The following DDAH2 variants were observed in gnomAD, a reference collection of about 807,000 sequenced individuals.
DDAH2 encodes the protein putative hydrolase DDAH2.
Under a neutral mutation model 24.8 loss-of-function variants are expected in DDAH2, and 8 were observed. The observed-to-expected ratio is 0.32, with a 90% CI of 0.19 to 0.58. DDAH2 has a LOEUF of 0.58. DDAH2 is among the 20% of genes least tolerant of loss of function. DDAH2 has a pLI of 0.87. For synonymous variants in DDAH2, 151 were observed against 166.1 expected (o/e 0.91, Z 0.70); for missense variants, 281 against 379.0 (o/e 0.74, Z 2.15).
Position 31,729,230 on chromosome 6 carries a change from G to A in DDAH2, c.-69C>T. The A allele has an allele frequency of 7.7e-7, 1 of 1,290,902 alleles. No homozygotes were observed. Among genetic ancestry groups the A allele is most frequent in the South Asian group, 1.4e-5 (1 of 72,396 alleles). 80.0% of individuals were successfully genotyped at this position (1,290,902 alleles called of 1,614,324 possible). On this transcript the variant is annotated 5_prime_UTR_variant, in exon 1 of 6. Coordinates refer to ENST00000375789, the MANE Select transcript of DDAH2 (RefSeq NM_001303007.2). This position sits in a 1 kb window ranked among gnomAD's most constrained non-coding sequence, Gnocchi z 6.7. ...TTTTCTTGTTTCTTCACCTGTCTGG[G>A]AGAAGAAACAGAAAAGGAGGAGACA...
At position 31,729,131 on chromosome 6, in the gene DDAH2, A is replaced by T. The variant is rs1275209901; in HGVS notation, c.31T>A (p.Cys11Ser). 1.2e-5 allele frequency: 19 copies of T among 1,611,734 alleles called. No homozygotes were observed. Among genetic ancestry groups the T allele is most frequent in the Non-Finnish European group, 1.4e-5 (17 of 1,179,236 alleles). The change falls in exon 1 of 6, where the codon TGC becomes AGC. Residue 11 changes from cysteine to serine, a missense_variant. Transcript: ENST00000375789. This position sits in a 1 kb window ranked among gnomAD's most constrained non-coding sequence, Gnocchi z 6.7. MGTPGEGLGR[C>S]SHALIRGVPE... ...ACTCCCCGGATCAGGGCATGGGAGC[A>T]GCGGCCCAGCCCCTCCCCCGGCGTC...
chr6:31,728,852 C>T lies in DDAH2; in HGVS notation c.297+13G>A. Reference sequence around the variant, plus strand: ...TGCCTTTCCCCATACCACACCCGCGCCACGGCGCTCACCTCTGGCCTACGA... The same window carrying T: ...TGCCTTTCCCCATACCACACCCGCGTCACGGCGCTCACCTCTGGCCTACGA... On this transcript the variant is annotated intron_variant, in intron 1 of 5. Coordinates refer to ENST00000375789, the MANE Select transcript of DDAH2 (RefSeq NM_001303007.2). The surrounding 1 kb of genome is among the most constrained non-coding windows in gnomAD (Gnocchi z 9.8). The T allele has an allele frequency of 6.2e-7, 1 of 1,611,434 alleles. No homozygotes were observed. Among genetic ancestry groups the T allele is most frequent in the Non-Finnish European group, 8.5e-7 (1 of 1,179,092 alleles).
chr6:31,728,908 G>A lies in DDAH2; in HGVS notation c.254C>T (p.Thr85Met). The change falls in exon 1 of 6, where the codon ACG (threonine) becomes ATG (methionine). Residue 85 changes from threonine to methionine, a missense_variant. Thr to Met is a moderately conservative substitution (Grantham distance 81). Coordinates refer to ENST00000375789, the MANE Select transcript of DDAH2 (RefSeq NM_001303007.2). This position sits in a 1 kb window ranked among gnomAD's most constrained non-coding sequence, Gnocchi z 9.8. ...LGDTAVIQGD[T>M]ALITRPWSPA... ...GCTCCAGGGCCGCGTGATTAGGGCCGTGTCCCCTTGGATCACGGCCGTGTC... is the reference window on the plus strand; with the variant it reads ...GCTCCAGGGCCGCGTGATTAGGGCCATGTCCCCTTGGATCACGGCCGTGTC... The A allele has an allele frequency of 6.2e-7, 1 of 1,613,098 alleles. No individual in the cohort carries two copies. Among genetic ancestry groups the A allele is most frequent in the Non-Finnish European group, 8.5e-7 (1 of 1,180,018 alleles).
In DDAH2 at chr6:31,729,102, T is replaced by G; in HGVS notation, c.60A>C (p.Pro20=). Residue 20 remains proline (P), a synonymous_variant, in exon 1 of 6, where the codon CCA becomes CCC. Transcript: ENST00000375789. The surrounding 1 kb of genome is among the most constrained non-coding windows in gnomAD (Gnocchi z 6.7). The stretch of plus-strand genomic sequence containing the variant: ...CACCTTCCCCCGACGCCAGGCTCTC[T>G]GGGACTCCCCGGATCAGGGCATGGG... ...RCSHALIRGV[P]ESLASGEGAG... is the part of the protein sequence containing the mutation. 6.2e-7 allele frequency: 1 copy of G among 1,612,972 alleles called. No individual in the cohort carries two copies. The highest frequency in any genetic ancestry group is 8.5e-7 in the Non-Finnish European group (1 of 1,179,968).
chr6:31,729,404 G>A (rs996220671), upstream of DDAH2: 3 of 559,834 alleles, frequency 5.4e-6, no homozygotes, highest in Non-Finnish European at 9.4e-6. The surrounding 1 kb of genome is among the most constrained non-coding windows in gnomAD (Gnocchi z 6.7). Context: ...ACCCTCAGGG[G>A]TCAGATTCTT....
Position 31,727,330 on chromosome 6 carries a change from G to A in DDAH2, c.765C>T (p.Val255=). The part of the protein sequence containing the change: ...SQEALQKLSD[V]TLVPVSCSEL... ...CTGAGCAGGACACAGGTACCAGGGTGACATCAGAGAGCTTCTGCAGTGCCT... is the reference window on the plus strand; with the variant it reads ...CTGAGCAGGACACAGGTACCAGGGTAACATCAGAGAGCTTCTGCAGTGCCT... The change falls in exon 6 of 6, where the codon GTC becomes GTT. Residue 255 remains valine (V), a synonymous_variant. Coordinates refer to ENST00000375789, the MANE Select transcript of DDAH2 (RefSeq NM_001303007.2). This position sits in a 1 kb window ranked among gnomAD's most constrained non-coding sequence, Gnocchi z 6.0. The A allele has an allele frequency of 6.2e-7, 1 of 1,612,998 alleles. No individual in the cohort carries two copies. The highest frequency in any genetic ancestry group is 8.5e-7 in the Non-Finnish European group (1 of 1,179,958).
rs373175852 is a variant in DDAH2 at position 31,727,284 on chromosome 6, C to T, written c.811G>A (p.Gly271Arg). The part of the protein sequence containing the change: ...SCSELEKAGA[G>R]LSSLCLVLST... ...AGCACCAAGCAGAGGGAGCTGAGCC[C>T]GGCGCCAGCCTTCTCCAGTTCTGAG... The change falls in exon 6 of 6, where the codon GGG becomes AGG. Residue 271 changes from glycine (G) to arginine (R), a missense_variant. Transcript: ENST00000375789. This position sits in a 1 kb window ranked among gnomAD's most constrained non-coding sequence, Gnocchi z 6.0. 1.8e-5 allele frequency: 29 copies of T among 1,612,942 alleles called. No individual in the cohort carries two copies. Among genetic ancestry groups the T allele is most frequent in the Admixed American group, 5.0e-5 (3 of 60,006 alleles).
In DDAH2 at chr6:31,728,955, C is replaced by T. The variant is rs772425050; in HGVS notation, c.207G>A (p.Leu69=). The T allele has an allele frequency of 6.2e-7, 1 of 1,613,128 alleles. No individual in the cohort carries two copies. ...TGTCGCCAAGCAGCGGTCCCAGCGGCAATGACTCCTCAGGTGGCAGTTCTA... is the reference window on the plus strand; with the variant it reads ...TGTCGCCAAGCAGCGGTCCCAGCGGTAATGACTCCTCAGGTGGCAGTTCTA... ...QLLELPPEES[L]PLGPLLGDTA... Residue 69 remains leucine (L), a synonymous_variant, in exon 1 of 6, where the codon TTG becomes TTA. Transcript: ENST00000375789. The surrounding 1 kb of genome is among the most constrained non-coding windows in gnomAD (Gnocchi z 9.8).
Position 31,727,840 on chromosome 6 carries a change from G to A in DDAH2, c.592-148C>T. 1 of 935,596 alleles carries A rather than the reference G, an allele frequency of 1.1e-6. No homozygotes were observed. Among genetic ancestry groups the A allele is most frequent in the South Asian group, 1.7e-5 (1 of 58,810 alleles). 58.0% of individuals were successfully genotyped at this position (935,596 alleles called of 1,614,324 possible). On this transcript the variant is annotated intron_variant, in intron 4 of 5. Transcript: ENST00000375789. The surrounding 1 kb of genome is among the most constrained non-coding windows in gnomAD (Gnocchi z 6.0). ...GAGCTTACGATATGTCAGACACTAAGTACTTTAGTTACCTTTGCTAATTTC... is the reference window on the plus strand; with the variant it reads ...GAGCTTACGATATGTCAGACACTAAATACTTTAGTTACCTTTGCTAATTTC...
At position 31,727,269 on chromosome 6, in the gene DDAH2, A is replaced by G. The variant is rs1807449614; in HGVS notation, c.826T>C (p.Cys276Arg). 1 of 1,613,042 alleles carries G rather than the reference A, an allele frequency of 6.2e-7. No homozygotes were observed. Among genetic ancestry groups the G allele is most frequent in the Non-Finnish European group, 8.5e-7 (1 of 1,179,996 alleles). Residue 276 changes from cysteine to arginine, a missense_variant, in exon 6 of 6, where the codon TGC becomes CGC. Cys to Arg is a radical substitution (Grantham distance 180). Coordinates refer to ENST00000375789, the MANE Select transcript of DDAH2 (RefSeq NM_001303007.2). The surrounding 1 kb of genome is among the most constrained non-coding windows in gnomAD (Gnocchi z 6.0). ...EKAGAGLSSLCLVLSTRPHS is the reference protein window; with the variant it reads ...EKAGAGLSSLRLVLSTRPHS Reference sequence around the variant, plus strand: ...TGGGGGCGTGTGCTGAGCACCAAGCAGAGGGAGCTGAGCCCGGCGCCAGCC... The same window carrying G: ...TGGGGGCGTGTGCTGAGCACCAAGCGGAGGGAGCTGAGCCCGGCGCCAGCC...
Position 31,728,120 on chromosome 6 carries a change from GCCTCCC to G in DDAH2, c.591+47_591+52del. The G allele has an allele frequency of 6.3e-7, 1 of 1,596,800 alleles. No homozygotes were observed. The highest frequency in any genetic ancestry group is 1.1e-5 in the South Asian group (1 of 90,188). On this transcript the variant is annotated intron_variant, in intron 4 of 5. Coordinates refer to ENST00000375789, the MANE Select transcript of DDAH2 (RefSeq NM_001303007.2). The surrounding 1 kb of genome is among the most constrained non-coding windows in gnomAD (Gnocchi z 9.8). ...AATTTCCTAAGCCTCCCAGCTCCCG[GCCTCCC>G]GGGCCCAGAACTGCGCCCACTTTCG...
In DDAH2 at chr6:31,728,787, T is replaced by A; in HGVS notation, c.298-42A>T. The A allele has an allele frequency of 6.2e-7, 1 of 1,611,412 alleles. No individual in the cohort carries two copies. Among genetic ancestry groups the A allele is most frequent in the Non-Finnish European group, 8.5e-7 (1 of 1,179,166 alleles). On this transcript the variant is annotated intron_variant, in intron 1 of 5. Coordinates refer to ENST00000375789, the MANE Select transcript of DDAH2 (RefSeq NM_001303007.2). The surrounding 1 kb of genome is among the most constrained non-coding windows in gnomAD (Gnocchi z 9.8). ...AGGGCACGGAGCTGTGACACCCCCA[T>A]CCTCAATTCTTCCCCAAAGCCCCGA...
chr6:31,727,621 G>C lies in DDAH2; in HGVS notation c.663C>G (p.Leu221=). Residue 221 remains leucine (L), a synonymous_variant, in exon 5 of 6, where the codon CTC becomes CTG. Transcript: ENST00000375789. This position sits in a 1 kb window ranked among gnomAD's most constrained non-coding sequence, Gnocchi z 6.0. ...CACCAGGCAACCCAGGACGAAGAAA[G>C]AGACAGTCAGCAGCTGCGTCATCTG... ...TLPDDAAADC[L]FLRPGLPGVP... is the part of the protein sequence containing the mutation. The C allele has an allele frequency of 1.2e-6, 2 of 1,613,028 alleles. No individual in the cohort carries two copies. The highest frequency in any genetic ancestry group is 8.5e-7 in the Non-Finnish European group (1 of 1,179,990).
rs749775839 is a variant in DDAH2 at position 31,728,755 on chromosome 6, G to A, written c.298-10C>T. 9 of 1,612,682 alleles carry A rather than the reference G, an allele frequency of 5.6e-6. No individual in the cohort carries two copies. The highest frequency in any genetic ancestry group is 1.7e-5 in the Admixed American group (1 of 59,958). ...TGCGGACTCCATCGACCTTAGGATA[G>A]GAGAAGAGGGCACGGAGCTGTGACA... is the stretch of plus-strand genomic sequence containing the variant. On this transcript the variant is annotated splice_polypyrimidine_tract_variant and intron_variant, in intron 1 of 5. Transcript: ENST00000375789. This position sits in a 1 kb window ranked among gnomAD's most constrained non-coding sequence, Gnocchi z 9.8.
In DDAH2 at chr6:31,728,065, G is replaced by T; in HGVS notation, c.591+108C>A. The T allele has an allele frequency of 1.5e-6, 2 of 1,293,348 alleles. No individual in the cohort carries two copies. The highest frequency in any genetic ancestry group is 2.6e-5 in the South Asian group (2 of 76,038). The allele number at this position is 1,293,348 out of a possible 1,614,324, so 80.1% of individuals were successfully genotyped here. ...CTCCTGTGTTCTTTCATGTAAGATG[G>T]ACAGCCCATTGAGGGCAGGGGTTAG... On this transcript the variant is annotated intron_variant, in intron 4 of 5. Transcript: ENST00000375789. The surrounding 1 kb of genome is among the most constrained non-coding windows in gnomAD (Gnocchi z 9.8).
Position 31,727,806 on chromosome 6 carries a change from A to G in DDAH2, c.592-114T>C. On this transcript the variant is annotated intron_variant, in intron 4 of 5. Coordinates refer to ENST00000375789, the MANE Select transcript of DDAH2 (RefSeq NM_001303007.2). This position sits in a 1 kb window ranked among gnomAD's most constrained non-coding sequence, Gnocchi z 6.0. ...GACATTTGTGGAAAATAATGACAGC[A>G]AGCACATAGAGCTTACGATATGTCA... 8.4e-7 allele frequency: 1 copy of G among 1,189,732 alleles called. No homozygotes were observed. The highest frequency in any genetic ancestry group is 1.2e-6 in the Non-Finnish European group (1 of 846,200). 73.7% of individuals were successfully genotyped at this position (1,189,732 alleles called of 1,614,324 possible).
Position 31,727,084 on chromosome 6 carries a change from C to T in DDAH2, c.*153G>A. The T allele has an allele frequency of 1.5e-6, 1 of 682,168 alleles. No individual in the cohort carries two copies. The highest frequency in any genetic ancestry group is 1.7e-5 in the South Asian group (1 of 57,496). The allele number at this position is 682,168 out of a possible 1,614,324, so 42.3% of individuals were successfully genotyped here. A position where few individuals can be genotyped will look rare whatever the true frequency, so the allele number is the denominator to read the frequency against. ...TATTGGTTCTGAGAGGGAGGATTCA[C>T]CCAGTGGATCCTTTTCCCTACACTC... On this transcript the variant is annotated 3_prime_UTR_variant, in exon 6 of 6. Coordinates refer to ENST00000375789, the MANE Select transcript of DDAH2 (RefSeq NM_001303007.2). This position sits in a 1 kb window ranked among gnomAD's most constrained non-coding sequence, Gnocchi z 6.0.
chr6:31,728,998 CG>C lies in DDAH2; in HGVS notation c.163del (p.Arg55AspfsTer7). 2 of 1,613,126 alleles carry C rather than the reference CG, an allele frequency of 1.2e-6. No individual in the cohort carries two copies. The highest frequency in any genetic ancestry group is 1.7e-6 in the Non-Finnish European group (2 of 1,180,036). ...CAGTTCTAGCAGCTGTAGCCCCAGTCGTTGCCTCAGTTTACCTCCCAGCACC... is the reference window on the plus strand; with the variant it reads ...CAGTTCTAGCAGCTGTAGCCCCAGTCTTGCCTCAGTTTACCTCCCAGCACC... ...HGVLGGKLRQ[R>X]LGLQLLELPP... On this transcript the variant is annotated frameshift_variant, in exon 1 of 6. Transcript: ENST00000375789. LOFTEE classifies it high-confidence loss of function. The surrounding 1 kb of genome is among the most constrained non-coding windows in gnomAD (Gnocchi z 9.8).
Position 31,727,106 on chromosome 6 carries a change from A to G in DDAH2, c.*131T>C. On this transcript the variant is annotated 3_prime_UTR_variant, in exon 6 of 6. Coordinates refer to ENST00000375789, the MANE Select transcript of DDAH2 (RefSeq NM_001303007.2). The surrounding 1 kb of genome is among the most constrained non-coding windows in gnomAD (Gnocchi z 6.0). ...TCACCCAGTGGATCCTTTTCCCTAC[A>G]CTCTCCCCTCCCCCAATATTGAGGC... 1.4e-6 allele frequency: 1 copy of G among 715,964 alleles called. No individual in the cohort carries two copies. Among genetic ancestry groups the G allele is most frequent in the South Asian group, 1.6e-5 (1 of 61,116 alleles). The allele number at this position is 715,964 out of a possible 1,614,324, so 44.4% of individuals were successfully genotyped here.
Sources: allele counts gnomAD v4.1 joint callset, GRCh38; gene constraint gnomAD v4.1.1; non-coding constraint Gnocchi (gnomAD v3.1); transcripts MANE v1.5; gene names NCBI Gene and HGNC (gene_info 2026-07-23, HGNC 2026-07-21).